DCDC2C: variants seen among roughly 807,000 people sequenced by gnomAD.
DCDC2C encodes doublecortin domain containing 2C.
In DCDC2C, 44 loss-of-function variants were observed where a neutral mutation model predicts 45.0. The observed-to-expected ratio is 0.98, with a 90% CI of 0.77 to 1.26. The LOEUF (loss-of-function observed/expected upper bound fraction) is 1.26, where lower values mean the gene tolerates loss of function less well. Ranked by LOEUF, DCDC2C falls within the 50% of genes most tolerant of loss-of-function variation. The pLI is 0.00. For missense variants in DCDC2C, 447 were observed against 468.9 expected, an observed-to-expected ratio of 0.95 and a Z score of 0.43; for synonymous variants, 187 against 178.8, an observed-to-expected ratio of 1.05 and a Z score of -0.37.
At chr2:3,778,625 T>C (rs1003418385) in intron 8 of DCDC2C, among the ~76,000 whole-genome samples, 191 bp from the exon 9 acceptor site, 1 of 152,266 alleles carries the variant, frequency 6.6e-6, no homozygotes, top group Admixed American at 6.5e-5. Flanking sequence ...ACCAAGCAGG[T>C]TGACATTTTC....
At chr2:3,831,721 C>A (rs1253294782) in intron 10 of DCDC2C, among the ~76,000 whole-genome samples, 1 of 152,190 alleles carries the variant, frequency 6.6e-6, no homozygotes, top group Non-Finnish European at 1.5e-5. Flanking sequence ...TGTGGTGGAA[C>A]GTGTAGAAGT....
At chr2:3,838,922 A>G (rs1387169431) in intron 10 of DCDC2C, among the ~76,000 whole-genome samples, 1 of 152,122 alleles carries the variant, frequency 6.6e-6, no homozygotes, top group Non-Finnish European at 1.5e-5. Context: ...TGGGTTTATG[A>G]TTTATATTTA....
At chr2:3,775,852 A>G (rs1320934045) in intron 8 of DCDC2C, among the ~76,000 whole-genome samples, 127 of 56,212 alleles carry the variant, frequency 2.3e-3, no homozygotes, top group African/African-American at 7.9e-3. Context: ...GCTCTGAGCT[A>G]GGCAGCTGTG....
chr2:3,839,914 C>T (rs539153298), intron 10 of DCDC2C, among the ~76,000 whole-genome samples: 1 of 152,312 alleles, frequency 6.6e-6, no homozygotes, highest in East Asian at 1.9e-4. Context: ...CACAGATACA[C>T]TTATGGGCAT....
intron 2 of DCDC2C, among the ~76,000 whole-genome samples, chr2:3,726,501 G>A (rs549526897): frequency 1.3e-5 from 2 of 152,274 alleles, no homozygotes; most frequent in African/African-American, 4.8e-5. Flanking sequence ...GGCCTCTCAG[G>A]CTGCATTCAC....
At chr2:3,775,967 C>G (rs62107569) in intron 8 of DCDC2C, among the ~76,000 whole-genome samples, 18,663 of 54,554 alleles carry the variant, frequency 0.34, 4,576 homozygotes, top group East Asian at 0.65. Context: ...AGGCAGCTGT[C>G]GCTGTGGGCT....
Position 3,767,843 on chromosome 2 carries a change from G to A in DCDC2C, c.816G>A (p.Lys272=), listed in dbSNP as rs113339912. 6.5e-7 allele frequency: 1 copy of A among 1,542,986 alleles called. No homozygotes were observed. The highest frequency in any genetic ancestry group is 2.5e-5 in the East Asian group (1 of 40,760). The part of the protein sequence containing the change: ...DSVYYAKEEK[K]KTLAEPLVQR... Reference sequence around the variant, plus strand: ...TTTATTATGCCAAAGAAGAAAAGAAGAAAACATTGGCAGAACCTTTAGTCC... The same window carrying A: ...TTTATTATGCCAAAGAAGAAAAGAAAAAAACATTGGCAGAACCTTTAGTCC... The change falls in exon 7 of 11, where the codon AAG becomes AAA. Residue 272 remains lysine (K), a synonymous_variant. Coordinates refer to ENST00000399143, the MANE Select transcript of DCDC2C (RefSeq NM_001287444.2).
At position 3,728,339 on chromosome 2, in the gene DCDC2C, AC is replaced by A; in HGVS notation, c.416+1262del. On this transcript the variant is annotated intron_variant, in intron 3 of 10. Coordinates refer to ENST00000399143, the MANE Select transcript of DCDC2C (RefSeq NM_001287444.2). ...CACCTAAATACACAGATCTTTCCAC[AC>A]CACTTTTCATGTACCTAAGAGCTGT... Among the ~76,000 whole-genome samples, 3 of 152,330 alleles carry A rather than the reference AC, an allele frequency of 2.0e-5. No homozygotes were observed. The East Asian group carries it at 5.8e-4, about 29-fold the overall frequency.
intron 3 of DCDC2C, among the ~76,000 whole-genome samples, chr2:3,732,380 ATC>A (rs1668897021): frequency 6.6e-6 from 1 of 152,168 alleles, no homozygotes; most frequent in African/African-American, 2.4e-5. Flanking sequence ...GTGGTTTGAG[ATC>A]TCTGGTTGGA....
At chr2:3,743,293 G>A (rs1307995930) in intron 4 of DCDC2C, among the ~76,000 whole-genome samples, 2 of 152,176 alleles carry the variant, frequency 1.3e-5, no homozygotes, top group East Asian at 1.9e-4. Context: ...GAGGTAGACA[G>A]CAATACAATA....
At chr2:3,792,917 G>T (rs1670858071) in intron 10 of DCDC2C, among the ~76,000 whole-genome samples, 1 of 152,196 alleles carries the variant, frequency 6.6e-6, no homozygotes, top group Non-Finnish European at 1.5e-5. Flanking sequence ...CAGGGAACCT[G>T]GCAGCTTTTC....
intron 4 of DCDC2C, among the ~76,000 whole-genome samples, chr2:3,749,743 G>T (rs1669483534): frequency 6.6e-6 from 1 of 152,110 alleles, no homozygotes; most frequent in South Asian, 2.1e-4. Context: ...CCACTCAGCG[G>T]GCATCTCCCA....
intron 10 of DCDC2C, among the ~76,000 whole-genome samples, chr2:3,825,610 C>T (rs6542656): frequency 0.23 from 34,494 of 152,022 alleles, 4,270 homozygotes; most frequent in African/African-American, 0.33. Flanking sequence ...TAGTATGAAA[C>T]GGGTCTGTAG....
chr2:3,780,447 G>A (rs1438112036), intron 9 of DCDC2C, among the ~76,000 whole-genome samples: 3 of 152,154 alleles, frequency 2.0e-5, no homozygotes, highest in Non-Finnish European at 4.4e-5. Context: ...TTAGTGACTT[G>A]ATAACAGCCA....
At chr2:3,733,285 AG>A (rs1335287041) in intron 3 of DCDC2C, among the ~76,000 whole-genome samples, 1 of 152,170 alleles carries the variant, frequency 6.6e-6, no homozygotes, top group Non-Finnish European at 1.5e-5. Context: ...AGATGAAGTG[AG>A]GGACAGCTGC....
rs1255313787 is a variant in DCDC2C at position 3,703,928 on chromosome 2, C to A, written c.177C>A (p.Gly59=). Residue 59 remains glycine (G), a synonymous_variant, in exon 1 of 11, where the codon GGC becomes GGA. Coordinates refer to ENST00000399143, the MANE Select transcript of DCDC2C (RefSeq NM_001287444.2). The surrounding 1 kb of genome is among the most constrained non-coding windows in gnomAD (Gnocchi z 4.4). ...QLTEQVDVPF[G]VRRLFTPTRG... ...CGGAGCAGGTGGACGTCCCGTTCGG[C>A]GTGCGCCGCCTCTTCACGCCCACGC... 1 of 1,333,288 alleles carries A rather than the reference C, an allele frequency of 7.5e-7. No individual in the cohort carries two copies. The highest frequency in any genetic ancestry group is 1.9e-5 in the South Asian group (1 of 52,312). The allele number at this position is 1,333,288 out of a possible 1,614,324, so 82.6% of individuals were successfully genotyped here.
chr2:3,809,114 C>G (rs982633021), intron 10 of DCDC2C, among the ~76,000 whole-genome samples: 1 of 152,106 alleles, frequency 6.6e-6, no homozygotes, highest in Non-Finnish European at 1.5e-5. Context: ...ATGTGTTTTT[C>G]CTTTCACCAA....
At chr2:3,824,013 A>C (rs1049236974) in intron 10 of DCDC2C, among the ~76,000 whole-genome samples, 1 of 152,244 alleles carries the variant, frequency 6.6e-6, no homozygotes, top group Non-Finnish European at 1.5e-5. Flanking sequence ...TGGGCATGGC[A>C]TGTTCCAGTG....
intron 10 of DCDC2C, among the ~76,000 whole-genome samples, chr2:3,800,140 G>A (rs939850369): frequency 7.2e-5 from 11 of 152,176 alleles, no homozygotes; most frequent in Admixed American, 2.6e-4. Flanking sequence ...TCCAGGTGCC[G>A]TCTGTCACCA....
Sources: gnomAD v4.1 joint callset for allele counts (sites outside exome capture counted in the v4.1 genomes callset) on GRCh38, gnomAD v4.1.1 for gene constraint, Gnocchi (gnomAD v3.1) non-coding constraint, MANE v1.5 for transcripts, NCBI Gene and HGNC (gene_info 2026-07-23, HGNC 2026-07-21) for gene names.